Variants in TEX26 observed in about 807,000 individuals in gnomAD.
TEX26 encodes testis expressed 26.
Under a neutral mutation model 35.3 loss-of-function variants are expected in TEX26, and 34 were observed. The observed-to-expected ratio is 0.96, with a 90% CI of 0.73 to 1.28. TEX26 has a LOEUF of 1.28. Among genes scored for constraint, TEX26 ranks in the 50% most tolerant of loss-of-function variants. The probability of loss-of-function intolerance (pLI) is 0.00; values close to 1 mark genes in which losing one functional copy is unlikely to be tolerated. For missense variants in TEX26, 371 were observed against 330.1 expected (o/e 1.12, Z -0.96); for synonymous variants, 136 against 111.8 (o/e 1.22, Z -1.36).
rs571661829 is a variant in TEX26 at position 30,950,831 on chromosome 13, G to A, written c.147-1829G>A. 1.4e-3 allele frequency among the ~76,000 whole-genome samples: 219 copies of A among 152,308 alleles called. 2 individuals are homozygous for A. The highest frequency in any genetic ancestry group is 2.7e-3 in the Non-Finnish European group (182 of 68,032). ...CACTCCTACCATGTTTCCCTTCACT[G>A]GGGGACCCCCTCAGGGTTGGAGGCT... On this transcript the variant is annotated intron_variant, in intron 2 of 6. Transcript: ENST00000380473.
At chr13:30,936,799 T>C (rs1383519488) in intron 1 of TEX26, 2 of 985,236 alleles carry the variant, frequency 2.0e-6, no homozygotes, top group Non-Finnish European at 2.4e-6. Flanking sequence ...AAGATGGATA[T>C]GAGCTACACA....
chr13:30,947,705 C>T (rs189653265), intron 2 of TEX26, among the ~76,000 whole-genome samples: 31 of 151,992 alleles, frequency 2.0e-4, no homozygotes, highest in African/African-American at 6.0e-4. Flanking sequence ...TTTGGAAAAT[C>T]GAAACACTAA....
chr13:30,940,830 C>T (rs887244893), intron 2 of TEX26, among the ~76,000 whole-genome samples: 2 of 152,038 alleles, frequency 1.3e-5, no homozygotes, highest in Admixed American at 1.3e-4. Context: ...CCCAGCTACT[C>T]GGGAGGCAGA....
chr13:30,963,379 G>C (rs1954420481), intron 4 of TEX26, among the ~76,000 whole-genome samples: 1 of 152,138 alleles, frequency 6.6e-6, no homozygotes, highest in Non-Finnish European at 1.5e-5. Context: ...ACAAATACGG[G>C]GGTTTTAGGT....
chr13:30,952,530 T>C (rs1364870625), intron 2 of TEX26, 130 bp from the exon 3 acceptor site: 5 of 728,574 alleles, frequency 6.9e-6, no homozygotes, highest in Non-Finnish European at 1.0e-5. Context: ...AATTAAATTA[T>C]TTCTGGCACC....
At chr13:30,949,540 AT>A (rs1953842913) in intron 2 of TEX26, among the ~76,000 whole-genome samples, 2 of 152,150 alleles carry the variant, frequency 1.3e-5, no homozygotes, top group Non-Finnish European at 2.9e-5. Flanking sequence ...TGGAATGCAT[AT>A]TATAGAGAAG....
At position 30,952,661 on chromosome 13, in the gene TEX26, C is replaced by A; in HGVS notation, c.148C>A (p.Gln50Lys). The part of the protein sequence containing the change: ...KTGAVPALIR[Q>K]NGIRRLGYTY... ...AATTTCTGCTGGGTTTTTTTATAGC[C>A]AAAACGGTATCAGAAGATTAGGATA... The change falls in exon 3 of 7, where the codon CAA (glutamine) becomes AAA (lysine). Residue 50 changes from glutamine (Q) to lysine (K), a missense_variant and splice_region_variant. Gln to Lys is a moderately conservative substitution (Grantham distance 53, BLOSUM62 1). Transcript: ENST00000380473. 1.3e-6 allele frequency: 2 copies of A among 1,573,820 alleles called. No homozygotes were observed. Among genetic ancestry groups the A allele is most frequent in the East Asian group, 2.3e-5 (1 of 43,000 alleles).
chr13:30,945,350 A>T (rs1953667330), intron 2 of TEX26, among the ~76,000 whole-genome samples: 1 of 151,452 alleles, frequency 6.6e-6, no homozygotes, highest in Admixed American at 6.6e-5. Context: ...TATGTTTTAG[A>T]TCAGTCTCTT....
rs1312236600 is a variant in TEX26 at position 30,975,212 on chromosome 13, G to A, written c.*305G>A. ...ATTTCTCCTGTGAACTAGGAATTATGTGGAAGAGATTTCTTAATGTCCCAT... is the reference window on the plus strand; with the variant it reads ...ATTTCTCCTGTGAACTAGGAATTATATGGAAGAGATTTCTTAATGTCCCAT... On this transcript the variant is annotated 3_prime_UTR_variant, in exon 7 of 7. Coordinates refer to ENST00000380473, the MANE Select transcript of TEX26 (RefSeq NM_152325.3). The A allele has an allele frequency of 5.3e-6, 1 of 187,158 alleles. No homozygotes were observed. Among genetic ancestry groups the A allele is most frequent in the East Asian group, 1.3e-4 (1 of 7,668 alleles). The allele number at this position is 187,158 out of a possible 1,614,324, so 11.6% of individuals were successfully genotyped here. A position where few individuals can be genotyped will look rare whatever the true frequency, so the allele number is the denominator to read the frequency against.
At chr13:30,936,657 T>C (rs1953283212) in intron 1 of TEX26, 2 of 984,088 alleles carry the variant, frequency 2.0e-6, no homozygotes, top group Non-Finnish European at 2.4e-6. Flanking sequence ...GGCCTGTGAG[T>C]TCTCCAAGGC....
chr13:30,969,122 C>T, intron 6 of TEX26, 76 bp downstream of exon 6: 25 of 1,328,836 alleles, frequency 1.9e-5, no homozygotes, highest in African/African-American at 1.5e-5. Flanking sequence ...GTTCCAAGTT[C>T]TAGCCACTGG....
Position 30,940,183 on chromosome 13 carries a change from G to C in TEX26, c.146+405G>C, listed in dbSNP as rs117517511. 2.1e-3 allele frequency among the ~76,000 whole-genome samples: 322 copies of C among 152,120 alleles called. 1 individual carries two copies. Among genetic ancestry groups the C allele is most frequent in the Non-Finnish European group, 4.1e-3 (282 of 68,002 alleles). ...ATACTTGTTATCATAGCATCACCAA[G>C]ACTAGTCTTGGAAGATGGAAGAAGG... On this transcript the variant is annotated intron_variant, in intron 2 of 6. Coordinates refer to ENST00000380473, the MANE Select transcript of TEX26 (RefSeq NM_152325.3).
chr13:30,972,530 G>T (rs1432101405), intron 6 of TEX26, among the ~76,000 whole-genome samples: 1 of 152,150 alleles, frequency 6.6e-6, no homozygotes, highest in Non-Finnish European at 1.5e-5. Flanking sequence ...CAGAAAGACT[G>T]ACAATAGCAA....
At chr13:30,963,376 C>T (rs1010339175) in intron 4 of TEX26, among the ~76,000 whole-genome samples, 20 of 152,124 alleles carry the variant, frequency 1.3e-4, no homozygotes, top group African/African-American at 4.8e-4. Context: ...AGCACAAATA[C>T]GGGGGTTTTA....
At position 30,952,640 on chromosome 13, in the gene TEX26, T is replaced by C. The variant is rs768869321; in HGVS notation, c.147-20T>C. The C allele has an allele frequency of 1.7e-5, 26 of 1,557,084 alleles. No homozygotes were observed. Among genetic ancestry groups the C allele is most frequent in the Non-Finnish European group, 2.2e-5 (26 of 1,157,926 alleles). Reference sequence around the variant, plus strand: ...TGGTATTTAACCTCTAACTCTAATTTCTGCTGGGTTTTTTTATAGCCAAAA... The same window carrying C: ...TGGTATTTAACCTCTAACTCTAATTCCTGCTGGGTTTTTTTATAGCCAAAA... On this transcript the variant is annotated intron_variant, in intron 2 of 6. Coordinates refer to ENST00000380473, the MANE Select transcript of TEX26 (RefSeq NM_152325.3).
intron 2 of TEX26, among the ~76,000 whole-genome samples, chr13:30,950,389 A>T (rs1953875523): frequency 6.6e-6 from 1 of 152,214 alleles, no homozygotes; most frequent in Non-Finnish European, 1.5e-5. Flanking sequence ...AATAAAAAAA[A>T]AAGGCAAGAT....
chr13:30,951,401 A>C (rs928556824), intron 2 of TEX26, among the ~76,000 whole-genome samples: 2 of 151,722 alleles, frequency 1.3e-5, no homozygotes, highest in Non-Finnish European at 2.9e-5. Flanking sequence ...GTCCCTTTGG[A>C]AACTCTCCAG....
At chr13:30,966,200 T>C (rs770564191) in intron 4 of TEX26, 22 bp from the exon 5 acceptor site, 7 of 1,613,662 alleles carry the variant, frequency 4.3e-6, no homozygotes, top group Non-Finnish European at 5.9e-6. Context: ...AAGTATTGCC[T>C]TCCATTTCCA....
In TEX26 at chr13:30,952,649, T is replaced by C. The variant is rs774302114; in HGVS notation, c.147-11T>C. The C allele has an allele frequency of 6.5e-7, 1 of 1,547,666 alleles. No homozygotes were observed. The highest frequency in any genetic ancestry group is 2.1e-5 in the Admixed American group (1 of 47,918). ...ACCTCTAACTCTAATTTCTGCTGGGTTTTTTTATAGCCAAAACGGTATCAG... is the reference window on the plus strand; with the variant it reads ...ACCTCTAACTCTAATTTCTGCTGGGCTTTTTTATAGCCAAAACGGTATCAG... On this transcript the variant is annotated splice_polypyrimidine_tract_variant and intron_variant, in intron 2 of 6. Coordinates refer to ENST00000380473, the MANE Select transcript of TEX26 (RefSeq NM_152325.3).
Sources: gnomAD v4.1 joint callset for allele counts (sites outside exome capture counted in the v4.1 genomes callset) on GRCh38, gnomAD v4.1.1 for gene constraint, MANE v1.5 for transcripts, NCBI Gene and HGNC (gene_info 2026-07-23, HGNC 2026-07-21) for gene names.